The following XXYLT1 variants were observed in gnomAD, a reference collection of about 807,000 sequenced individuals.
XXYLT1 encodes the protein xyloside xylosyltransferase 1, also known as UDP-xylose:alpha-xyloside alpha-1,3-xylosyltransferase.
In XXYLT1, 20 loss-of-function variants were observed where a neutral mutation model predicts 28.9. The observed-to-expected ratio is 0.69, with a 90% CI of 0.49 to 1.00. The LOEUF is 1.00. XXYLT1 is among the 50% of genes least tolerant of loss of function. The pLI, the probability that XXYLT1 is intolerant of heterozygous loss-of-function variation, is 0.00. For synonymous variants in XXYLT1, 257 were observed against 253.8 expected, an observed-to-expected ratio of 1.01 and a Z score of -0.12; for missense variants, 542 against 560.1, an observed-to-expected ratio of 0.97 and a Z score of 0.33.
In XXYLT1 at chr3:195,173,461, G is replaced by A. The variant is rs910579563; in HGVS notation, c.653-16880C>T. Among the ~76,000 whole-genome samples, 1 of 152,160 alleles carries A rather than the reference G, an allele frequency of 6.6e-6. No homozygotes were observed. ...CATTCTGGTTCATATAAGACTGGGCGGAAGAACAGCTCCCAGCACAGCCTT... is the reference window on the plus strand; with the variant it reads ...CATTCTGGTTCATATAAGACTGGGCAGAAGAACAGCTCCCAGCACAGCCTT... On this transcript the variant is annotated intron_variant, in intron 2 of 3. Transcript: ENST00000310380. The surrounding 1 kb of genome is among the most constrained non-coding windows in gnomAD (Gnocchi z 4.3).
chr3:195,256,615 G>C lies in XXYLT1; in HGVS notation c.504+13940C>G, dbSNP rs1725488295. On this transcript the variant is annotated intron_variant, in intron 1 of 3. Coordinates refer to ENST00000310380, the MANE Select transcript of XXYLT1 (RefSeq NM_152531.5). The surrounding 1 kb of genome is among the most constrained non-coding windows in gnomAD (Gnocchi z 4.2). ...GGGGTCTGGAAAGGGCATGAGCTCT[G>C]TAAGCCCCCAGCACTGTTTATACAC... 2.0e-6 allele frequency: 2 copies of C among 977,404 alleles called. No homozygotes were observed. Among genetic ancestry groups the C allele is most frequent in the Non-Finnish European group, 1.2e-6 (1 of 822,722 alleles). The allele number at this position is 977,404 out of a possible 1,614,324, so 60.5% of individuals were successfully genotyped here. A position where few individuals can be genotyped will look rare whatever the true frequency, so the allele number is the denominator to read the frequency against.
intron 3 of XXYLT1, among the ~76,000 whole-genome samples, chr3:195,135,470 T>C (rs1719143397): frequency 6.6e-6 from 1 of 151,720 alleles, no homozygotes; most frequent in African/African-American, 2.4e-5. Context: ...TGTTGGGAGA[T>C]GGGAGGGAGG....
intron 2 of XXYLT1, among the ~76,000 whole-genome samples, chr3:195,158,112 A>G (rs1402639491): frequency 1.3e-5 from 2 of 152,208 alleles, no homozygotes; most frequent in Non-Finnish European, 2.9e-5. Context: ...AGGGCCGTGC[A>G]TTTAGTCAGC....
intron 2 of XXYLT1, among the ~76,000 whole-genome samples, chr3:195,217,825 T>C (rs1410251223): frequency 6.9e-6 from 1 of 145,882 alleles, no homozygotes; most frequent in Admixed American, 6.8e-5. Context: ...TTAAAGTTCA[T>C]ATGGAACCAA....
At chr3:195,102,930 C>T (rs1343065480) in intron 3 of XXYLT1, among the ~76,000 whole-genome samples, 2 of 152,142 alleles carry the variant, frequency 1.3e-5, no homozygotes, top group African/African-American at 4.8e-5. Context: ...TTCCTACCAA[C>T]GGTGCAGCGT....
chr3:195,108,114 G>A (rs954097803), intron 3 of XXYLT1, among the ~76,000 whole-genome samples: 1 of 152,220 alleles, frequency 6.6e-6, no homozygotes, highest in African/African-American at 2.4e-5. Context: ...GAGAGACCTA[G>A]GTGACCTGCA....
chr3:195,161,928 T>C (rs1214802086), intron 2 of XXYLT1, among the ~76,000 whole-genome samples: 4 of 151,886 alleles, frequency 2.6e-5, no homozygotes. Flanking sequence ...CTGAGATTAA[T>C]ATTATTTCTA....
intron 3 of XXYLT1, among the ~76,000 whole-genome samples, chr3:195,137,035 C>T (rs1159890756): frequency 1.8e-4 from 28 of 152,122 alleles, no homozygotes; most frequent in Non-Finnish European, 4.0e-4. Flanking sequence ...GGAGGCTGTC[C>T]ACAAGCTTAG....
chr3:195,148,032 A>G (rs1474211223), intron 3 of XXYLT1: 1 of 152,244 alleles, frequency 6.6e-6, no homozygotes, highest in Non-Finnish European at 1.5e-5. Flanking sequence ...GATCTTCAGC[A>G]GCCCCCGCTA....
intron 2 of XXYLT1, among the ~76,000 whole-genome samples, chr3:195,157,365 T>C (rs924157123): frequency 6.6e-6 from 1 of 152,030 alleles, no homozygotes; most frequent in Non-Finnish European, 1.5e-5. Flanking sequence ...CCTTTATCAG[T>C]GCGTTCTGCA....
chr3:195,074,398 G>T (rs920148116), intron 3 of XXYLT1, among the ~76,000 whole-genome samples: 2 of 152,248 alleles, frequency 1.3e-5, no homozygotes, highest in Admixed American at 1.3e-4. Context: ...ACCCGGCCCA[G>T]AGGCTGTGCA....
rs539657918 is a variant in XXYLT1, at chr3:195,088,377, C to T, written c.786-18266G>A. Among the ~76,000 whole-genome samples the T allele has an allele frequency of 5.4e-5, 8 of 147,208 alleles. No individual in the cohort carries two copies. The South Asian group carries it at 1.4e-3, about 25-fold the overall frequency. ...TGCCTCCTCAAGTGGGTCCCTGACC[C>T]CTGACCCCCGAGCAGCCTAACTGGG... On this transcript the variant is annotated intron_variant, in intron 3 of 3. Transcript: ENST00000310380.
intron 2 of XXYLT1, chr3:195,175,543 T>C: frequency 6.5e-7 from 1 of 1,527,322 alleles, no homozygotes; most frequent in Admixed American, 2.0e-5. Flanking sequence ...CAGATGGAGA[T>C]TCCTAGGGGT....
At chr3:195,239,100 T>C (rs1398985342) in intron 1 of XXYLT1, among the ~76,000 whole-genome samples, 1 of 152,216 alleles carries the variant, frequency 6.6e-6, no homozygotes, top group Non-Finnish European at 1.5e-5. Context: ...CTGCCAAGCC[T>C]GCACCCATGA....
intron 2 of XXYLT1, among the ~76,000 whole-genome samples, chr3:195,182,868 A>T (rs1722019988): frequency 6.6e-6 from 1 of 152,210 alleles, no homozygotes; most frequent in Non-Finnish European, 1.5e-5. Flanking sequence ...ACCCCAAAAA[A>T]TTACTGAGAA....
chr3:195,229,189 T>G (rs1308529522), intron 1 of XXYLT1, among the ~76,000 whole-genome samples: 1 of 152,216 alleles, frequency 6.6e-6, no homozygotes, highest in Non-Finnish European at 1.5e-5. Flanking sequence ...CCTTTTATTC[T>G]TGGGTCTCTT....
At chr3:195,231,389 G>T (rs1279311960) in intron 1 of XXYLT1, among the ~76,000 whole-genome samples, 2 of 151,912 alleles carry the variant, frequency 1.3e-5, no homozygotes, top group Admixed American at 1.3e-4. Flanking sequence ...TCGTTCTCTT[G>T]TCTGATTGCT....
chr3:195,129,272 A>G lies in XXYLT1; in HGVS notation c.785+27177T>C, dbSNP rs1244081325. On this transcript the variant is annotated intron_variant, in intron 3 of 3. Transcript: ENST00000310380. This position sits in a 1 kb window ranked among gnomAD's most constrained non-coding sequence, Gnocchi z 4.4. ...TCTTGACACATAATTTAAATTCCATACAATTCACCCATTTAACATGTACAA... is the reference window on the plus strand; with the variant it reads ...TCTTGACACATAATTTAAATTCCATGCAATTCACCCATTTAACATGTACAA... Among the ~76,000 whole-genome samples the G allele has an allele frequency of 6.6e-6, 1 of 152,210 alleles. No individual in the cohort carries two copies. Among genetic ancestry groups the G allele is most frequent in the Non-Finnish European group, 1.5e-5 (1 of 68,040 alleles).
chr3:195,084,346 G>T, intron 3 of XXYLT1, among the ~76,000 whole-genome samples: 1 of 152,102 alleles, frequency 6.6e-6, no homozygotes, highest in East Asian at 1.9e-4. Context: ...GAGGCAGGAG[G>T]CCCGATTCAA....
Sources: allele counts gnomAD v4.1 joint callset (sites outside exome capture counted in the v4.1 genomes callset), GRCh38; gene constraint gnomAD v4.1.1; non-coding constraint Gnocchi (gnomAD v3.1); transcripts MANE v1.5; gene names NCBI Gene and HGNC (gene_info 2026-07-23, HGNC 2026-07-21).